The following FNDC3B variants were observed in gnomAD, a reference collection of about 807,000 sequenced individuals.
FNDC3B encodes the protein fibronectin type III domain-containing protein 3B.
In FNDC3B, 12 loss-of-function variants were observed where a neutral mutation model predicts 151.5. The observed-to-expected ratio is 0.08, with a 90% CI of 0.05 to 0.13. The LOEUF (loss-of-function observed/expected upper bound fraction) is 0.13. Among genes scored for constraint, FNDC3B ranks in the 10% least tolerant of loss-of-function variants. The pLI is 1.00. For synonymous variants in FNDC3B, 528 were observed against 549.0 expected, an observed-to-expected ratio of 0.96 and a Z score of 0.54; for missense variants, 1,214 against 1,505.3, an observed-to-expected ratio of 0.81 and a Z score of 3.20.
At chr3:172,161,580 C>A (rs184395357) in intron 3 of FNDC3B, among the ~76,000 whole-genome samples, 21 of 152,340 alleles carry the variant, frequency 1.4e-4, no homozygotes, top group African/African-American at 5.0e-4. Flanking sequence ...TCTCTCTCAG[C>A]TGCTGAATGT....
chr3:172,069,282 G>A (rs1049571464), intron 1 of FNDC3B, among the ~76,000 whole-genome samples: 4 of 152,124 alleles, frequency 2.6e-5, no homozygotes, highest in African/African-American at 9.7e-5. Flanking sequence ...TCCACTTGAA[G>A]TGGACAGTTT....
chr3:172,251,234 G>C (rs948444686), intron 5 of FNDC3B, 26 bp from the exon 6 acceptor site: 3 of 1,548,544 alleles, frequency 1.9e-6, no homozygotes, highest in African/African-American at 1.4e-5. Flanking sequence ...AACTGAGTTT[G>C]GGTTTATCAT....
In FNDC3B at chr3:172,352,512, C is replaced by T. The variant is rs1297515219; in HGVS notation, c.2515-291C>T. Among the ~76,000 whole-genome samples, 5 of 151,840 alleles carry T rather than the reference C, an allele frequency of 3.3e-5. No individual in the cohort carries two copies. Among genetic ancestry groups the T allele is most frequent in the East Asian group, 1.9e-4 (1 of 5,184 alleles). On this transcript the variant is annotated intron_variant, in intron 21 of 25. Coordinates refer to ENST00000415807, the MANE Select transcript of FNDC3B (RefSeq NM_022763.4). The surrounding 1 kb of genome is among the most constrained non-coding windows in gnomAD (Gnocchi z 4.2). ...TACCACAGGGGGTTATTATGAAGAT[C>T]GTGTAAGATGATGTATAAACTGAAA...
At chr3:172,234,135 C>T (rs982528179) in intron 4 of FNDC3B, among the ~76,000 whole-genome samples, 3 of 152,128 alleles carry the variant, frequency 2.0e-5, no homozygotes, top group Non-Finnish European at 4.4e-5. Flanking sequence ...TTTCTGTGAT[C>T]CCGGCATCGT....
At chr3:172,281,234 T>TTTAA (rs1560055155) in intron 6 of FNDC3B, among the ~76,000 whole-genome samples, 3 of 119,654 alleles carry the variant, frequency 2.5e-5, no homozygotes, top group Admixed American at 7.9e-5. Flanking sequence ...TATTTATTTA[T>TTTAA]TTATTTATTT....
At chr3:172,344,027 C>G in intron 18 of FNDC3B, 59 bp from the exon 19 acceptor site, 1 of 1,497,494 alleles carries the variant, frequency 6.7e-7, no homozygotes. Flanking sequence ...AAATCTGGTG[C>G]ACTTTGGTCA....
At chr3:172,247,058 G>A (rs1727817839) in intron 4 of FNDC3B, among the ~76,000 whole-genome samples, 1 of 152,196 alleles carries the variant, frequency 6.6e-6, no homozygotes, top group Admixed American at 6.5e-5. Context: ...AACTGTGCAT[G>A]TTAAAGCAGG....
chr3:172,133,743 T>C, intron 3 of FNDC3B, 197 bp downstream of exon 3: 2 of 617,158 alleles, frequency 3.2e-6, no homozygotes, highest in Non-Finnish European at 2.9e-6. Context: ...AGTGGTAAAA[T>C]CTGTATTGGG....
At chr3:172,121,280 T>G (rs1720533537) in intron 2 of FNDC3B, among the ~76,000 whole-genome samples, 1 of 152,270 alleles carries the variant, frequency 6.6e-6, no homozygotes, top group Non-Finnish European at 1.5e-5. Flanking sequence ...ATAATGTGTT[T>G]TAAAATCTTT....
intron 25 of FNDC3B, among the ~76,000 whole-genome samples, chr3:172,395,646 GCCACAAAA>G (rs56401294): frequency 0.11 from 16,440 of 152,134 alleles, 1,097 homozygotes; most frequent in African/African-American, 0.2. Context: ...AAGTAGGCAT[GCCACAAAA>G]CTGGGAGAAA....
At chr3:172,169,823 G>A (rs772078265) in intron 3 of FNDC3B, among the ~76,000 whole-genome samples, 5 of 152,076 alleles carry the variant, frequency 3.3e-5, no homozygotes, top group Non-Finnish European at 5.9e-5. Context: ...CCATTTAAAC[G>A]GCACTTTATA....
rs937816357 is a variant in FNDC3B, at chr3:172,127,532, G to A, written c.112-5939G>A. Among the ~76,000 whole-genome samples, 14 of 147,770 alleles carry A rather than the reference G, an allele frequency of 9.5e-5. 1 individual carries two copies. Among genetic ancestry groups the A allele is most frequent in the African/African-American group, 3.3e-4 (13 of 39,650 alleles). On this transcript the variant is annotated intron_variant, in intron 2 of 25. Transcript: ENST00000415807. ...CTGGCAGATGACAGGGATTCAATAA[G>A]TAGTAGCTGTTTCTTAATCATTGTA...
intron 3 of FNDC3B, among the ~76,000 whole-genome samples, chr3:172,163,161 C>T (rs1261957942): frequency 6.6e-6 from 1 of 151,778 alleles, no homozygotes; most frequent in African/African-American, 2.4e-5. Flanking sequence ...GTCCTAGCTA[C>T]TTGGGAGGCT....
At chr3:172,385,932 C>T (rs1263089961) in intron 25 of FNDC3B, among the ~76,000 whole-genome samples, 4 of 152,172 alleles carry the variant, frequency 2.6e-5, no homozygotes, top group Non-Finnish European at 4.4e-5. Context: ...TTTGAAGCAT[C>T]AACTCTAACT....
At chr3:172,283,147 C>T (rs1163160984) in intron 6 of FNDC3B, among the ~76,000 whole-genome samples, 2 of 152,248 alleles carry the variant, frequency 1.3e-5, no homozygotes, top group Non-Finnish European at 2.9e-5. Flanking sequence ...GTCCTGACCT[C>T]TCTTTGGAAG....
chr3:172,287,240 G>C (rs929007129), intron 7 of FNDC3B, among the ~76,000 whole-genome samples: 1 of 152,136 alleles, frequency 6.6e-6, no homozygotes, highest in Non-Finnish European at 1.5e-5. Flanking sequence ...CCGGTCTGTG[G>C]TTTCTCTAGG....
At chr3:172,316,318 A>G (rs2108263142) in intron 11 of FNDC3B, 1 of 431,490 alleles carries the variant, frequency 2.3e-6, no homozygotes, top group South Asian at 1.6e-5. Context: ...TTTCTTGATG[A>G]CATATCACTA....
Position 172,292,600 on chromosome 3 carries a change from G to T in FNDC3B, c.850-2763G>T, listed in dbSNP as rs189009375. 2.0e-5 allele frequency among the ~76,000 whole-genome samples: 3 copies of T among 152,300 alleles called. 1 individual carries two copies. The highest frequency in any genetic ancestry group is 2.0e-4 in the Admixed American group (3 of 15,296). On this transcript the variant is annotated intron_variant, in intron 7 of 25. Coordinates refer to ENST00000415807, the MANE Select transcript of FNDC3B (RefSeq NM_022763.4). ...TTTGACTGAGCTATTTTGAGACATG[G>T]TTATTTCACACCACCATTCATGGAA...
chr3:172,040,943 G>A lies in FNDC3B; in HGVS notation c.-29+1172G>A, dbSNP rs1447364932. ...CCAGGAGTGCGCGGTCGGAGTTGGAGCTTTTGGAATCTCAGCTCCCACCCT... is the reference window on the plus strand; with the variant it reads ...CCAGGAGTGCGCGGTCGGAGTTGGAACTTTTGGAATCTCAGCTCCCACCCT... On this transcript the variant is annotated intron_variant, in intron 1 of 25. Coordinates refer to ENST00000415807, the MANE Select transcript of FNDC3B (RefSeq NM_022763.4). The surrounding 1 kb of genome is among the most constrained non-coding windows in gnomAD (Gnocchi z 6.6). 6.6e-6 allele frequency among the ~76,000 whole-genome samples: 1 copy of A among 152,216 alleles called. No individual in the cohort carries two copies. Among genetic ancestry groups the A allele is most frequent in the African/African-American group, 2.4e-5 (1 of 41,466 alleles).
Sources: gnomAD v4.1 joint callset for allele counts (sites outside exome capture counted in the v4.1 genomes callset) on GRCh38, gnomAD v4.1.1 for gene constraint, Gnocchi (gnomAD v3.1) non-coding constraint, MANE v1.5 for transcripts, NCBI Gene and HGNC (gene_info 2026-07-23, HGNC 2026-07-21) for gene names.